The following ELAVL2 variants were observed in gnomAD, a reference collection of about 807,000 sequenced individuals.
ELAVL2 encodes the protein ELAV like RNA binding protein 2, also known as ELAV-like protein 2.
ELAVL2 carries 4 observed loss-of-function variants against 34.6 expected under a neutral mutation model. The observed-to-expected ratio is 0.12, with a 90% CI of 0.06 to 0.26. The LOEUF is 0.26. ELAVL2 is among the 10% of genes least tolerant of loss of function. The pLI is 1.00. For synonymous variants in ELAVL2, 193 were observed against 154.8 expected (o/e 1.25, Z -1.83); for missense variants, 432 against 442.8 (o/e 0.98, Z 0.22).
chr9:23,724,900 A>C (rs1355646683), intron 3 of ELAVL2, among the ~76,000 whole-genome samples: 1 of 152,092 alleles, frequency 6.6e-6, no homozygotes, highest in Non-Finnish European at 1.5e-5. Flanking sequence ...GATAAATAAC[A>C]GTTATTAGGC....
chr9:23,776,220 CAT>C (rs2058167804), intron 1 of ELAVL2, among the ~76,000 whole-genome samples: 1 of 152,306 alleles, frequency 6.6e-6, no homozygotes, highest in South Asian at 2.1e-4. Flanking sequence ...CTAACACACA[CAT>C]CTCTTTCCGC....
At chr9:23,748,849 A>C (rs188640348) in intron 2 of ELAVL2, among the ~76,000 whole-genome samples, 10 of 152,284 alleles carry the variant, frequency 6.6e-5, no homozygotes, top group African/African-American at 2.4e-4. Context: ...CCTGAAAACA[A>C]TTATCATAAT....
chr9:23,792,404 C>T (rs2060430633), intron 1 of ELAVL2, among the ~76,000 whole-genome samples: 1 of 152,188 alleles, frequency 6.6e-6, no homozygotes, highest in Admixed American at 6.5e-5. Flanking sequence ...GTCATCTATC[C>T]ATAACTGCTA....
At chr9:23,702,544 G>A (rs1887900) in intron 4 of ELAVL2, among the ~76,000 whole-genome samples, 1 of 151,100 alleles carries the variant, frequency 6.6e-6, no homozygotes, top group Non-Finnish European at 1.5e-5. Context: ...ATTTTTTTTG[G>A]CAAGTAAATG....
At chr9:23,837,744 C>A in the ELAVL2 span, among the ~76,000 whole-genome samples, 1 of 152,074 alleles carries the variant, frequency 6.6e-6, no homozygotes, top group Non-Finnish European at 1.5e-5. Flanking sequence ...TGCAAGAGAA[C>A]AAAAGCCTCT....
chr9:23,818,376 A>T (rs1325402475), intron 1 of ELAVL2, among the ~76,000 whole-genome samples: 2 of 152,206 alleles, frequency 1.3e-5, no homozygotes, highest in Non-Finnish European at 2.9e-5. Flanking sequence ...TTGTCCAAAA[A>T]TTCTTAAGAA....
At chr9:23,742,553 C>T (rs569849925) in intron 2 of ELAVL2, among the ~76,000 whole-genome samples, 2 of 152,292 alleles carry the variant, frequency 1.3e-5, no homozygotes, top group African/African-American at 4.8e-5. Context: ...TCAATAAAAA[C>T]ATATTTCACC....
intron 3 of ELAVL2, among the ~76,000 whole-genome samples, chr9:23,709,769 T>C (rs970765895): frequency 8.5e-5 from 13 of 152,202 alleles, no homozygotes; most frequent in African/African-American, 3.1e-4. Flanking sequence ...CAGGTGAATA[T>C]TTAATGCATG....
At chr9:23,698,736 C>A (rs563396962) in intron 5 of ELAVL2, among the ~76,000 whole-genome samples, 1 of 152,128 alleles carries the variant, frequency 6.6e-6, no homozygotes, top group Non-Finnish European at 1.5e-5. Context: ...GTTTCTTTAT[C>A]AGGTGAAAGA....
At chr9:23,797,065 G>A (rs2061020087) in intron 1 of ELAVL2, among the ~76,000 whole-genome samples, 1 of 152,104 alleles carries the variant, frequency 6.6e-6, no homozygotes, top group Non-Finnish European at 1.5e-5. Flanking sequence ...GAATTAACCT[G>A]ACCTTTATGC....
intron 1 of ELAVL2, among the ~76,000 whole-genome samples, chr9:23,766,945 G>A (rs557549499): frequency 2.6e-5 from 4 of 152,156 alleles, no homozygotes; most frequent in South Asian, 2.1e-4. Flanking sequence ...TAATTTTAAG[G>A]CTTAAAAAAA....
At chr9:23,758,696 A>C (rs10966071) in intron 2 of ELAVL2, among the ~76,000 whole-genome samples, 13,935 of 152,076 alleles carry the variant, frequency 0.092, 708 homozygotes, top group Middle Eastern at 0.19. Flanking sequence ...TGTCAGGGAG[A>C]GATACTCACT....
chr9:23,705,483 C>G (rs2039009487), intron 3 of ELAVL2, among the ~76,000 whole-genome samples: 1 of 152,184 alleles, frequency 6.6e-6, no homozygotes, highest in Admixed American at 6.5e-5. Flanking sequence ...ATTTAAAGTT[C>G]TTAAAACAGA....
intron 2 of ELAVL2, among the ~76,000 whole-genome samples, chr9:23,757,163 G>A (rs1277633805): frequency 1.3e-5 from 2 of 152,098 alleles, no homozygotes; most frequent in Non-Finnish European, 2.9e-5. Context: ...AGATGTTCTT[G>A]TTCATTTGGT....
At chr9:23,767,577 T>TC (rs1470961375) in intron 1 of ELAVL2, among the ~76,000 whole-genome samples, 1 of 152,068 alleles carries the variant, frequency 6.6e-6, no homozygotes, top group Non-Finnish European at 1.5e-5. Flanking sequence ...GGTCAGAAGT[T>TC]CAAGACCAGC....
At chr9:23,792,933 GTTATTTT>G (rs1227664608) in intron 1 of ELAVL2, among the ~76,000 whole-genome samples, 2 of 151,852 alleles carry the variant, frequency 1.3e-5, no homozygotes, top group East Asian at 3.9e-4. Context: ...ACCACACCCA[GTTATTTT>G]TTATTTTTTA....
intron 3 of ELAVL2, among the ~76,000 whole-genome samples, chr9:23,727,944 C>G (rs1017009842): frequency 6.6e-6 from 1 of 152,056 alleles, no homozygotes; most frequent in Non-Finnish European, 1.5e-5. Flanking sequence ...CAAACGCATA[C>G]TAAATTCTAA....
chr9:23,782,682 T>C (rs770232715), intron 1 of ELAVL2, among the ~76,000 whole-genome samples: 12 of 152,202 alleles, frequency 7.9e-5, no homozygotes, highest in African/African-American at 2.9e-4. Flanking sequence ...CTGAAGACAA[T>C]TAGCGTACGT....
intron 1 of ELAVL2, among the ~76,000 whole-genome samples, chr9:23,823,183 T>G (rs999837839): frequency 6.6e-6 from 1 of 152,336 alleles, no homozygotes; most frequent in African/African-American, 2.4e-5. Context: ...TTGTGTGGGT[T>G]CCTGGGAAAA....
Sources: allele counts gnomAD v4.1 joint callset (sites outside exome capture counted in the v4.1 genomes callset), GRCh38; gene constraint gnomAD v4.1.1; transcripts MANE v1.5; gene names NCBI Gene and HGNC (gene_info 2026-07-23, HGNC 2026-07-21).